Variants in RIC3 observed in about 807,000 individuals in gnomAD.
RIC3 encodes the protein RIC3 acetylcholine receptor chaperone, also known as protein RIC-3.
RIC3 carries 28 observed loss-of-function variants against 27.3 expected under a neutral mutation model. The ratio of observed to expected loss-of-function variants is 1.02; its 90% confidence interval spans 0.76 to 1.41. The LOEUF is 1.41. Among genes scored for constraint, RIC3 ranks in the 40% most tolerant of loss-of-function variants. The pLI is 0.00. For synonymous variants in RIC3, 184 were observed against 160.4 expected, an observed-to-expected ratio of 1.15 and a Z score of -1.11; for missense variants, 501 against 444.7, an observed-to-expected ratio of 1.13 and a Z score of -1.14.
At chr11:8,157,926 A>G (rs1388121270) in intron 1 of RIC3, among the ~76,000 whole-genome samples, 3 of 152,148 alleles carry the variant, frequency 2.0e-5, no homozygotes, top group African/African-American at 4.8e-5. Flanking sequence ...GTTCATTTCC[A>G]TAATACATGA....
At chr11:8,100,564 A>T in the RIC3 span, 4 of 1,614,154 alleles carry the variant, frequency 2.5e-6, no homozygotes, top group Non-Finnish European at 3.4e-6. Context: ...CCAGGCATGA[A>T]CATGGTTCAT....
At chr11:8,093,809 T>C in the RIC3 span, among the ~76,000 whole-genome samples, 1 of 152,208 alleles carries the variant, frequency 6.6e-6, no homozygotes, top group African/African-American at 2.4e-5. Context: ...GGTCTGGCTG[T>C]TGACTTGATT....
chr11:8,127,808 A>C (rs1045957556), intron 4 of RIC3, among the ~76,000 whole-genome samples: 8 of 152,148 alleles, frequency 5.3e-5, no homozygotes, highest in Middle Eastern at 3.2e-3. Flanking sequence ...ATGGTCGTCT[A>C]TTTTTCTAAC....
intron 4 of RIC3, among the ~76,000 whole-genome samples, chr11:8,134,884 G>A (rs182378223): frequency 1.1e-3 from 171 of 152,188 alleles, no homozygotes; most frequent in Non-Finnish European, 1.8e-3. Flanking sequence ...CGTAGATTCC[G>A]GATATTAGCC....
chr11:8,142,306 A>C (rs1407542021), intron 1 of RIC3, among the ~76,000 whole-genome samples: 1 of 146,464 alleles, frequency 6.8e-6, no homozygotes, highest in Non-Finnish European at 1.5e-5. Flanking sequence ...AAAAAGAGAG[A>C]AGAATCAAAT....
chr11:8,099,576 G>A, the RIC3 span, among the ~76,000 whole-genome samples: 2 of 152,256 alleles, frequency 1.3e-5, no homozygotes, highest in East Asian at 3.9e-4. Flanking sequence ...GAGGCACTAA[G>A]GATATAGTAA....
intron 5 of RIC3, among the ~76,000 whole-genome samples, chr11:8,114,770 G>A (rs965451570): frequency 1.3e-5 from 2 of 151,358 alleles, no homozygotes; most frequent in Non-Finnish European, 2.9e-5. Context: ...AAAAATTTAC[G>A]AGAGATTGAA....
rs901486405 is a variant in RIC3 at position 8,106,162 on chromosome 11, T to C, written c.*4536A>G. ...ATGACAAACTTGGTATTTTCCCATG[T>C]TGACATTATGTATGTTGTAGAATTT... On this transcript the variant is annotated 3_prime_UTR_variant, in exon 6 of 6. Transcript: ENST00000309737. 6.6e-6 allele frequency: 1 copy of C among 152,250 alleles called. No homozygotes were observed. The highest frequency in any genetic ancestry group is 1.5e-5 in the Non-Finnish European group (1 of 68,050). The allele number at this position is 152,250 out of a possible 1,614,324, so 9.4% of individuals were successfully genotyped here.
intron 4 of RIC3, among the ~76,000 whole-genome samples, chr11:8,131,560 G>A (rs1361021899): frequency 1.3e-5 from 2 of 152,062 alleles, no homozygotes; most frequent in Non-Finnish European, 2.9e-5. Context: ...GTAAAGGAAT[G>A]GTCATGATTT....
At chr11:8,150,190 G>A (rs565277630) in intron 1 of RIC3, among the ~76,000 whole-genome samples, 1 of 152,128 alleles carries the variant, frequency 6.6e-6, no homozygotes, top group Admixed American at 6.5e-5. Flanking sequence ...TTTTGCTTCT[G>A]GCTGGAGGCT....
At chr11:8,162,067 G>A (rs1478141603) in intron 1 of RIC3, among the ~76,000 whole-genome samples, 2 of 151,724 alleles carry the variant, frequency 1.3e-5, no homozygotes, top group Non-Finnish European at 2.9e-5. Flanking sequence ...TGGAATGTGA[G>A]GAGGTAATGT....
At position 8,131,064 on chromosome 11, in the gene RIC3, CAT is replaced by C. The variant is rs202198400; in HGVS notation, c.522-4259_522-4258del. On this transcript the variant is annotated intron_variant, in intron 4 of 5. Transcript: ENST00000309737. ...AAAGGAGGCAAAATCAGAGAAATCA[CAT>C]GAGATAGTTATGACCTGTATCAAAA... 6.3e-3 allele frequency among the ~76,000 whole-genome samples: 958 copies of C among 152,264 alleles called. 22 individuals are homozygous for C. The highest frequency in any genetic ancestry group is 0.051 in the Admixed American group (781 of 15,294).
chr11:8,137,557 T>C, intron 3 of RIC3, 86 bp from the exon 4 acceptor site: 6 of 982,030 alleles, frequency 6.1e-6, no homozygotes, highest in East Asian at 2.4e-5. Context: ...AAAGCTATTG[T>C]ACTGTCTAAC....
intron 4 of RIC3, among the ~76,000 whole-genome samples, chr11:8,134,050 G>C (rs1370326801): frequency 6.6e-6 from 1 of 151,516 alleles, no homozygotes; most frequent in East Asian, 1.9e-4. Context: ...CAATGTGCTG[G>C]TTTGTTACAT....
chr11:8,126,656 T>G lies in RIC3; in HGVS notation c.670+3A>C. On this transcript the variant is annotated splice_donor_region_variant and intron_variant, in intron 5 of 5. Transcript: ENST00000309737. ...AACAAAAAAATGAGAAGACACTGTT[T>G]ACCTTCCCAGTCCTCCATGTAAGGG... 6.2e-7 allele frequency: 1 copy of G among 1,613,928 alleles called. No individual in the cohort carries two copies. Among genetic ancestry groups the G allele is most frequent in the Non-Finnish European group, 8.5e-7 (1 of 1,179,874 alleles).
Position 8,108,508 on chromosome 11 carries a change from C to A in RIC3, c.*2190G>T, listed in dbSNP as rs1045920543. ...GCTAGAACCAATGCTGTTTTACACA[C>A]ACTGATGATTTCATTTAACCAGGAC... On this transcript the variant is annotated 3_prime_UTR_variant, in exon 6 of 6. Coordinates refer to ENST00000309737, the MANE Select transcript of RIC3 (RefSeq NM_001206671.4). 6.6e-6 allele frequency: 1 copy of A among 152,158 alleles called. No homozygotes were observed. The highest frequency in any genetic ancestry group is 2.4e-5 in the African/African-American group (1 of 41,426). 9.4% of individuals were successfully genotyped at this position (152,158 alleles called of 1,614,324 possible).
rs573737522 is a variant in RIC3, at chr11:8,133,707, C to G, written c.521+3671G>C. Among the ~76,000 whole-genome samples, 115 of 152,328 alleles carry G rather than the reference C, an allele frequency of 7.5e-4. 1 individual carries two copies. Among genetic ancestry groups the G allele is most frequent in the Middle Eastern group, 3.4e-3 (1 of 294 alleles). ...TACAACTCCAGATGTAGTACAGTGACAGCTTCTCTGCCTTTGCACATAAAA... is the reference window on the plus strand; with the variant it reads ...TACAACTCCAGATGTAGTACAGTGAGAGCTTCTCTGCCTTTGCACATAAAA... On this transcript the variant is annotated intron_variant, in intron 4 of 5. Coordinates refer to ENST00000309737, the MANE Select transcript of RIC3 (RefSeq NM_001206671.4).
At chr11:8,164,781 C>CAAAAAAAAAA (rs199958835) in intron 1 of RIC3, among the ~76,000 whole-genome samples, 1 of 84,250 alleles carries the variant, frequency 1.2e-5, no homozygotes. Flanking sequence ...CTGTCTCTCT[C>CAAAAAAAAAA]AAAAAAAAAA....
chr11:8,133,632 T>C (rs538073191), intron 4 of RIC3, among the ~76,000 whole-genome samples: 1 of 152,314 alleles, frequency 6.6e-6, no homozygotes, highest in South Asian at 2.1e-4. Context: ...CAGCATCTTA[T>C]AAAAAGTAAA....
Sources: gnomAD v4.1 joint callset for allele counts (sites outside exome capture counted in the v4.1 genomes callset) on GRCh38, gnomAD v4.1.1 for gene constraint, MANE v1.5 for transcripts, NCBI Gene and HGNC (gene_info 2026-07-23, HGNC 2026-07-21) for gene names.